Variants in KCND2 observed in about 807,000 individuals in gnomAD.
The protein encoded by KCND2 is potassium voltage-gated channel subfamily D member 2, also known as A-type voltage-gated potassium channel KCND2.
Under a neutral mutation model 54.4 loss-of-function variants are expected in KCND2, and 16 were observed. The ratio of observed to expected loss-of-function variants is 0.29; its 90% CI spans 0.20 to 0.45. The LOEUF is 0.45. Ranked by LOEUF, KCND2 falls within the 20% of genes least tolerant of loss-of-function variation. The pLI is 1.00. For synonymous variants in KCND2, 317 were observed against 310.7 expected (o/e 1.02, Z -0.21); for missense variants, 486 against 824.2 (o/e 0.59, Z 5.02).
chr7:120,340,099 G>A (rs977058574), intron 1 of KCND2, among the ~76,000 whole-genome samples: 1 of 152,042 alleles, frequency 6.6e-6, no homozygotes, highest in Non-Finnish European at 1.5e-5. Flanking sequence ...AACTAGTAGG[G>A]GATTTAGAGC....
At chr7:120,335,468 C>CTTAT (rs757550470) in intron 1 of KCND2, among the ~76,000 whole-genome samples, 14,883 of 110,514 alleles carry the variant, frequency 0.13, 1,198 homozygotes, top group East Asian at 0.49. Context: ...TACTTACTTA[C>CTTAT]TTATTTATTT....
rs377375318 is a variant in KCND2, at chr7:120,478,080, A to T, written c.1115+202333A>T. On this transcript the variant is annotated intron_variant, in intron 1 of 5. Coordinates refer to ENST00000331113, the MANE Select transcript of KCND2 (RefSeq NM_012281.3). The stretch of plus-strand genomic sequence containing the variant: ...ACCATTCATTCATCATGCATTACAC[A>T]TTAATTCAATTTGGAGCAAACATTT... Among the ~76,000 whole-genome samples, 25 of 152,328 alleles carry T rather than the reference A, an allele frequency of 1.6e-4. 1 individual carries two copies. The highest frequency in any genetic ancestry group is 5.1e-4 in the African/African-American group (21 of 41,580).
At chr7:120,731,024 G>A (rs573543549) in intron 1 of KCND2, among the ~76,000 whole-genome samples, 1 of 152,198 alleles carries the variant, frequency 6.6e-6, no homozygotes, top group Admixed American at 6.5e-5. Context: ...TGGAGTAGTT[G>A]GAGCTCAGAC....
At chr7:120,480,224 A>G (rs1223880216) in intron 1 of KCND2, among the ~76,000 whole-genome samples, 2 of 152,084 alleles carry the variant, frequency 1.3e-5, no homozygotes, top group Admixed American at 1.3e-4. Flanking sequence ...TCTCAATATG[A>G]ATTTTCTGTC....
rs1224534981 is a variant in KCND2 at position 120,523,686 on chromosome 7, T to TAC, written c.1116-209216_1116-209215insCA. 1.6e-3 allele frequency among the ~76,000 whole-genome samples: 218 copies of TAC among 132,550 alleles called. 2 individuals carry two copies. Among genetic ancestry groups the TAC allele is most frequent in the African/African-American group, 6.7e-3 (208 of 30,918 alleles). 87.0% of individuals were successfully genotyped at this position (132,550 alleles called of 152,430 possible). On this transcript the variant is annotated intron_variant, in intron 1 of 5. Transcript: ENST00000331113. ...TTGTCCACATATATTTATACACAGATATACACACACACACACTCTGTGTGT... is the reference window on the plus strand; with the variant it reads ...TTGTCCACATATATTTATACACAGATACATACACACACACACACTCTGTGTGT...
chr7:120,302,276 G>C (rs1799594741), intron 1 of KCND2, among the ~76,000 whole-genome samples: 1 of 152,044 alleles, frequency 6.6e-6, no homozygotes, highest in Admixed American at 6.6e-5. Context: ...TGTTGTTGTT[G>C]TTTGAGACAG....
chr7:120,374,570 G>A (rs1800810202), intron 1 of KCND2, among the ~76,000 whole-genome samples: 1 of 151,756 alleles, frequency 6.6e-6, no homozygotes, highest in South Asian at 2.1e-4. Flanking sequence ...AACCAGGTAA[G>A]CGTCTTAATA....
chr7:120,289,165 C>A (rs1799397494), intron 1 of KCND2, among the ~76,000 whole-genome samples: 1 of 151,768 alleles, frequency 6.6e-6, no homozygotes, highest in African/African-American at 2.4e-5. Context: ...TACAATGGGA[C>A]AAAGAATAGA....
Position 120,426,726 on chromosome 7 carries a change from A to G in KCND2, c.1115+150979A>G, listed in dbSNP as rs574910990. The stretch of plus-strand genomic sequence containing the variant: ...AAGCTCCGCCTCCCAGGTTCATGCC[A>G]TTCTCTTGCCTCAGCCTCCTGAGTA... On this transcript the variant is annotated intron_variant, in intron 1 of 5. Transcript: ENST00000331113. Among the ~76,000 whole-genome samples, 40 of 151,080 alleles carry G rather than the reference A, an allele frequency of 2.6e-4. 1 individual carries two copies. In the South Asian group the frequency reaches 7.9e-3, roughly 30 times the overall value.
In KCND2 at chr7:120,742,583, A is replaced by G; in HGVS notation, c.1448A>G (p.His483Arg). The change falls in exon 4 of 6, where the codon CAC becomes CGC. Residue 483 changes from histidine (H) to arginine (R), a missense_variant. Coordinates refer to ENST00000331113, the MANE Select transcript of KCND2 (RefSeq NM_012281.3). ...SFETQHHHLL[H>R]CLEKTTNHEF... is the part of the protein sequence containing the mutation. ...GAAACCCAGCACCACCACCTGCTTC[A>G]CTGCCTGGAAAAAACCACGGTAAGG... The G allele has an allele frequency of 6.2e-7, 1 of 1,613,462 alleles. No homozygotes were observed. The highest frequency in any genetic ancestry group is 8.5e-7 in the Non-Finnish European group (1 of 1,179,548).
At chr7:120,695,198 T>C (rs1185082671) in intron 1 of KCND2, among the ~76,000 whole-genome samples, 1 of 150,982 alleles carries the variant, frequency 6.6e-6, no homozygotes, top group African/African-American at 2.4e-5. Flanking sequence ...TATATGTATA[T>C]TAGTTTTATA....
At chr7:120,356,094 A>T (rs1482675310) in intron 1 of KCND2, among the ~76,000 whole-genome samples, 1 of 152,140 alleles carries the variant, frequency 6.6e-6, no homozygotes, top group Non-Finnish European at 1.5e-5. Flanking sequence ...ATTAGAAAGG[A>T]CAAACCAGTC....
chr7:120,742,651 AT>A (rs768947071), intron 4 of KCND2, 49 bp downstream of exon 4: 18 of 1,431,638 alleles, frequency 1.3e-5, no homozygotes, highest in Non-Finnish European at 1.8e-5. Flanking sequence ...CAGTAATTCC[AT>A]TTGCTTTTGT....
intron 1 of KCND2, among the ~76,000 whole-genome samples, chr7:120,481,354 C>T (rs1184803685): frequency 6.6e-6 from 1 of 152,050 alleles, no homozygotes; most frequent in Non-Finnish European, 1.5e-5. Flanking sequence ...GACTTAAAGG[C>T]AGATTTTTAT....
chr7:120,622,874 C>T (rs1400788189), intron 1 of KCND2, among the ~76,000 whole-genome samples: 1 of 151,978 alleles, frequency 6.6e-6, no homozygotes, highest in Non-Finnish European at 1.5e-5. Context: ...TTTCAGATAT[C>T]AATGAAATAT....
chr7:120,436,731 A>G (rs1324108543), intron 1 of KCND2, among the ~76,000 whole-genome samples: 1 of 152,030 alleles, frequency 6.6e-6, no homozygotes. Context: ...GTAGGTTGCC[A>G]CTGCAGCCTC....
intron 1 of KCND2, among the ~76,000 whole-genome samples, chr7:120,311,201 GC>G (rs1486183055): frequency 1.3e-5 from 2 of 152,032 alleles, no homozygotes; most frequent in Non-Finnish European, 2.9e-5. Flanking sequence ...CTTCCTATTA[GC>G]AAAACTGTGC....
At chr7:120,292,897 A>T (rs1799456181) in intron 1 of KCND2, among the ~76,000 whole-genome samples, 1 of 151,762 alleles carries the variant, frequency 6.6e-6, no homozygotes, top group African/African-American at 2.4e-5. Context: ...TTATTGCCTT[A>T]ATTTCAAGTC....
At chr7:120,321,435 A>G (rs1409825377) in intron 1 of KCND2, among the ~76,000 whole-genome samples, 1 of 152,106 alleles carries the variant, frequency 6.6e-6, no homozygotes, top group Non-Finnish European at 1.5e-5. Flanking sequence ...CTCCTGGCCC[A>G]GGATTATTTA....
Sources: gnomAD v4.1 joint callset for allele counts (sites outside exome capture counted in the v4.1 genomes callset) on GRCh38, gnomAD v4.1.1 for gene constraint, MANE v1.5 for transcripts, NCBI Gene and HGNC (gene_info 2026-07-23, HGNC 2026-07-21) for gene names.